Variants in CWF19L2 observed in about 807,000 individuals in gnomAD.
CWF19L2 encodes the protein CWF19-like protein 2.
In CWF19L2, 98 loss-of-function variants were observed where a neutral mutation model predicts 111.7. That is an observed-to-expected ratio of 0.88 (90% confidence interval 0.75 to 1.04). The LOEUF (loss-of-function observed/expected upper bound fraction) is 1.04. Ranked by LOEUF, CWF19L2 falls within the 50% of genes least tolerant of loss-of-function variation. The pLI, the probability that CWF19L2 is intolerant of heterozygous loss-of-function variation, is 0.00. For synonymous variants in CWF19L2, 351 were observed against 342.9 expected (o/e 1.02, Z -0.26); for missense variants, 1,101 against 1,051.4 (o/e 1.05, Z -0.65).
chr11:107,345,477 G>A (rs1390416179), intron 14 of CWF19L2: 4 of 459,276 alleles, frequency 8.7e-6, no homozygotes, highest in African/African-American at 8.1e-5. Context: ...TTGGATGACT[G>A]TTCTAGATTT....
chr11:107,451,148 C>A (rs1861772829), intron 3 of CWF19L2, among the ~76,000 whole-genome samples: 1 of 151,518 alleles, frequency 6.6e-6, no homozygotes, highest in Non-Finnish European at 1.5e-5. Flanking sequence ...CAGAGTATAA[C>A]ATAATAATTA....
chr11:107,386,350 C>T (rs1288422630), intron 12 of CWF19L2, among the ~76,000 whole-genome samples: 1 of 152,144 alleles, frequency 6.6e-6, no homozygotes, highest in Non-Finnish European at 1.5e-5. Flanking sequence ...CTACCTACAT[C>T]TGTATACTAA....
At chr11:107,338,885 G>C (rs1859965648) in intron 14 of CWF19L2, among the ~76,000 whole-genome samples, 3 of 152,176 alleles carry the variant, frequency 2.0e-5, no homozygotes, top group Non-Finnish European at 2.9e-5. Context: ...ACACATGTGT[G>C]CATGTATCTT....
intron 10 of CWF19L2, chr11:107,403,881 T>C: frequency 1.3e-6 from 1 of 793,262 alleles, no homozygotes; most frequent in Non-Finnish European, 2.2e-6. Context: ...TCCTCCTGTA[T>C]TTGAAGAAGT....
chr11:107,378,218 G>A (rs1239337990), intron 12 of CWF19L2, among the ~76,000 whole-genome samples: 10 of 148,672 alleles, frequency 6.7e-5, no homozygotes, highest in South Asian at 2.1e-4. Context: ...GCGATTCCTC[G>A]GGGATCTACA....
At position 107,428,790 on chromosome 11, in the gene CWF19L2, A is replaced by G. The variant is rs1861416404; in HGVS notation, c.1433+9T>C. ...TCTTAACTTATTAGGTTAAAAAATG[A>G]TAAAATACCCAGCAAATGTAGACTT... On this transcript the variant is annotated intron_variant, in intron 8 of 17. Transcript: ENST00000282251. 6.3e-7 allele frequency: 1 copy of G among 1,587,572 alleles called. No homozygotes were observed. Among genetic ancestry groups the G allele is most frequent in the African/African-American group, 1.4e-5 (1 of 73,202 alleles).
intron 8 of CWF19L2, among the ~76,000 whole-genome samples, chr11:107,424,467 A>AG (rs1861347336): frequency 6.8e-6 from 1 of 147,888 alleles, no homozygotes; most frequent in Non-Finnish European, 1.5e-5. Context: ...AAAAAAAAAA[A>AG]GCCCGGATTA....
intron 8 of CWF19L2, among the ~76,000 whole-genome samples, chr11:107,426,147 T>C (rs984906784): frequency 2.0e-5 from 3 of 150,442 alleles, no homozygotes; most frequent in African/African-American, 7.3e-5. Context: ...TTGTATTACA[T>C]GACAAATATA....
chr11:107,390,289 TG>T, intron 11 of CWF19L2, 78 bp from the exon 12 acceptor site: 1 of 1,125,786 alleles, frequency 8.9e-7, no homozygotes, highest in Non-Finnish European at 1.2e-6. Flanking sequence ...CATAAATATC[TG>T]ATGTTAAATG....
At position 107,401,579 on chromosome 11, in the gene CWF19L2, C is replaced by A. The variant is rs529492064; in HGVS notation, c.1618-8684G>T. On this transcript the variant is annotated intron_variant, in intron 10 of 17. Transcript: ENST00000282251. ...TACAAAACACTGCTGAAAGAAATCA[C>A]AGACGACACAAACAAATAGAATCAC... Among the ~76,000 whole-genome samples, 488 of 152,218 alleles carry A rather than the reference C, an allele frequency of 3.2e-3. 3 individuals carry two copies. Among genetic ancestry groups the A allele is most frequent in the Non-Finnish European group, 5.2e-3 (352 of 67,982 alleles).
At chr11:107,441,357 T>C (rs1861616077) in intron 5 of CWF19L2, 146 bp downstream of exon 5, 1 of 588,812 alleles carries the variant, frequency 1.7e-6, no homozygotes, top group East Asian at 3.4e-5. Context: ...CTTAAACTGA[T>C]GTATTTCATA....
intron 12 of CWF19L2, among the ~76,000 whole-genome samples, chr11:107,362,315 G>C (rs1288979128): frequency 2.0e-5 from 3 of 151,886 alleles, no homozygotes; most frequent in African/African-American, 7.3e-5. Flanking sequence ...ACTGGGTGGA[G>C]CCCACCACAG....
chr11:107,401,874 A>G (rs377478833), intron 10 of CWF19L2, among the ~76,000 whole-genome samples: 2 of 152,176 alleles, frequency 1.3e-5, no homozygotes, highest in African/African-American at 4.8e-5. Flanking sequence ...GTACTGGTAT[A>G]AAAATAGGCA....
chr11:107,369,876 A>C (rs989553659), intron 12 of CWF19L2, among the ~76,000 whole-genome samples: 1 of 138,362 alleles, frequency 7.2e-6, no homozygotes, highest in Non-Finnish European at 1.6e-5. Flanking sequence ...AATATTACCT[A>C]GTTCTTTTAC....
intron 16 of CWF19L2, among the ~76,000 whole-genome samples, chr11:107,332,804 C>A (rs1268699126): frequency 6.6e-6 from 1 of 152,026 alleles, no homozygotes; most frequent in Non-Finnish European, 1.5e-5. Flanking sequence ...ATTCTTACTT[C>A]CATCCACATA....
In CWF19L2 at chr11:107,443,068, T is replaced by G; in HGVS notation, c.340-19A>C. On this transcript the variant is annotated intron_variant, in intron 3 of 17. Transcript: ENST00000282251. ...CAGAGCTCTAAGAACATTTAGCATA[T>G]AAGTGAAATTGTCAAATTTGCATAC... 2 of 1,461,754 alleles carry G rather than the reference T, an allele frequency of 1.4e-6. No individual in the cohort carries two copies. Among genetic ancestry groups the G allele is most frequent in the Non-Finnish European group, 1.9e-6 (2 of 1,065,202 alleles). The allele number at this position is 1,461,754 out of a possible 1,614,324, so 90.5% of individuals were successfully genotyped here. A position where few individuals can be genotyped will look rare whatever the true frequency, so the allele number is the denominator to read the frequency against.
chr11:107,430,096 A>G (rs373504372), intron 7 of CWF19L2, among the ~76,000 whole-genome samples: 13 of 152,008 alleles, frequency 8.6e-5, no homozygotes, highest in African/African-American at 3.1e-4. Context: ...TTAAAAATAT[A>G]TAAGAAAATT....
intron 11 of CWF19L2, among the ~76,000 whole-genome samples, chr11:107,391,477 C>G (rs538484905): frequency 6.6e-6 from 1 of 152,296 alleles, no homozygotes; most frequent in South Asian, 2.1e-4. Flanking sequence ...GCCATCCAGT[C>G]TATGTTACAG....
intron 14 of CWF19L2, 181 bp downstream of exon 14, chr11:107,348,756 C>T (rs1860116092): frequency 5.4e-6 from 2 of 369,396 alleles, no homozygotes; most frequent in Non-Finnish European, 1.0e-5. Context: ...CTGGAGTACA[C>T]AAGGGAAATA....
Sources: allele counts gnomAD v4.1 joint callset (sites outside exome capture counted in the v4.1 genomes callset), GRCh38; gene constraint gnomAD v4.1.1; transcripts MANE v1.5; gene names NCBI Gene and HGNC (gene_info 2026-07-23, HGNC 2026-07-21).